EEF1AKMT2: variants seen among roughly 807,000 people sequenced by gnomAD.
EEF1AKMT2 encodes EEF1A lysine methyltransferase 2, also known as eukaryotic translation elongation factor 1 alpha lysine methyltransferase 2.
Under a neutral mutation model 35.8 loss-of-function variants are expected in EEF1AKMT2, and 32 were observed. The observed-to-expected ratio is 0.89, with a 90% CI of 0.67 to 1.20. EEF1AKMT2 has a LOEUF of 1.20. EEF1AKMT2 is among the 50% of genes most tolerant of loss of function. The pLI, the probability that EEF1AKMT2 is intolerant of heterozygous loss-of-function variation, is 0.00. For synonymous variants in EEF1AKMT2, 121 were observed against 133.7 expected (o/e 0.91, Z 0.65); for missense variants, 330 against 347.5 (o/e 0.95, Z 0.40).
intron 3 of EEF1AKMT2, among the ~76,000 whole-genome samples, chr10:124,779,303 CTG>C (rs1950516016): frequency 2.0e-5 from 3 of 152,154 alleles, no homozygotes; most frequent in African/African-American, 7.2e-5. Context: ...GGCTATTTTT[CTG>C]TGTCTTTAGT....
Position 124,760,400 on chromosome 10 carries a change from GAA to G in EEF1AKMT2, c.*101_*102del. On this transcript the variant is annotated 3_prime_UTR_variant, in exon 7 of 7. Transcript: ENST00000368836. ...TGTGTAGCTACCTGAATTCGTCCAA[GAA>G]AAAGTCTCACATTTTTTGGAAAACC... 6 of 1,601,772 alleles carry G rather than the reference GAA, an allele frequency of 3.7e-6. No homozygotes were observed. Among genetic ancestry groups the G allele is most frequent in the South Asian group, 3.3e-5 (3 of 90,648 alleles).
At chr10:124,781,520 T>C (rs1333654785) in intron 3 of EEF1AKMT2, among the ~76,000 whole-genome samples, 1 of 150,550 alleles carries the variant, frequency 6.6e-6, no homozygotes, top group East Asian at 2.0e-4. Flanking sequence ...GAGGCGAAGG[T>C]TGCAGTGAGC....
At chr10:124,767,647 T>C (rs976109684) in intron 4 of EEF1AKMT2, among the ~76,000 whole-genome samples, 2 of 150,942 alleles carry the variant, frequency 1.3e-5, no homozygotes, top group Non-Finnish European at 3.0e-5. Context: ...GCCAGAGAAA[T>C]AAGACATTAA....
intron 6 of EEF1AKMT2, among the ~76,000 whole-genome samples, chr10:124,761,159 C>T (rs1220290252): frequency 6.6e-6 from 1 of 152,218 alleles, no homozygotes; most frequent in African/African-American, 2.4e-5. Context: ...TGAGCAACAT[C>T]GCCTGGCCCT....
intron 3 of EEF1AKMT2, among the ~76,000 whole-genome samples, chr10:124,786,099 A>G (rs759992895): frequency 1.3e-5 from 2 of 152,128 alleles, no homozygotes; most frequent in Non-Finnish European, 2.9e-5. Context: ...AGGGGCCACA[A>G]GGAAGCTCCT....
chr10:124,781,589 T>TAA (rs1950540445), intron 3 of EEF1AKMT2, among the ~76,000 whole-genome samples: 1 of 67,156 alleles, frequency 1.5e-5, no homozygotes. Context: ...AGACTGTGTC[T>TAA]CAAAAAAAAA....
intron 6 of EEF1AKMT2, 68 bp from the exon 7 acceptor site, chr10:124,760,571 G>A (rs1211650299): frequency 3.4e-6 from 4 of 1,176,128 alleles, no homozygotes; most frequent in African/African-American, 1.5e-5. Context: ...TTATATGCAT[G>A]CATTAACACT....
At position 124,765,546 on chromosome 10, in the gene EEF1AKMT2, C is replaced by A. The variant is rs183204976; in HGVS notation, c.462G>T (p.Gly154=). ...GATTAAGGCTTATGGCATCAAAAGT[C>A]CCTTTGTCAATACAAATATGAAATC... The part of the protein sequence containing the change: ...LSGFHICIDK[G]TFDAISLNPD... Residue 154 remains glycine, a synonymous_variant, in exon 5 of 7, where the codon GGG becomes GGT. Coordinates refer to ENST00000368836, the MANE Select transcript of EEF1AKMT2 (RefSeq NM_212554.4). The A allele has an allele frequency of 2.5e-6, 4 of 1,613,908 alleles. No homozygotes were observed. The East Asian group carries it at 8.9e-5, about 36-fold the overall frequency.
At chr10:124,771,105 CTT>C (rs34982773) in intron 4 of EEF1AKMT2, among the ~76,000 whole-genome samples, 3 of 145,364 alleles carry the variant, frequency 2.1e-5, no homozygotes, top group Non-Finnish European at 1.5e-5. Flanking sequence ...TTTCTTTTTT[CTT>C]TTTTTTTTTT....
intron 4 of EEF1AKMT2, 181 bp from the exon 5 acceptor site, chr10:124,765,789 A>C: frequency 5.5e-6 from 3 of 545,400 alleles, no homozygotes; most frequent in Non-Finnish European, 9.7e-6. Context: ...AAGATCATTA[A>C]AGCCAAGATT....
chr10:124,757,048 T>C (rs910402378), downstream of EEF1AKMT2, among the ~76,000 whole-genome samples: 3 of 152,066 alleles, frequency 2.0e-5, no homozygotes, highest in East Asian at 3.9e-4. Context: ...CACTATGCAA[T>C]TGTCTTTCAG....
intron 4 of EEF1AKMT2, among the ~76,000 whole-genome samples, chr10:124,767,782 T>G (rs1950392253): frequency 6.6e-6 from 1 of 151,860 alleles, no homozygotes. Context: ...GGTCAGGAGT[T>G]CGAGACCAGC....
At chr10:124,787,374 AGTGAGCCAAGATC>A (rs1344711758) in intron 3 of EEF1AKMT2, among the ~76,000 whole-genome samples, 1 of 137,888 alleles carries the variant, frequency 7.3e-6, no homozygotes, top group Non-Finnish European at 1.5e-5. Flanking sequence ...TGAAGGTTGC[AGTGAGCCAAGATC>A]GTGAGACTGC....
At chr10:124,786,087 G>A (rs1179273539) in intron 3 of EEF1AKMT2, among the ~76,000 whole-genome samples, 3 of 151,992 alleles carry the variant, frequency 2.0e-5, no homozygotes, top group Non-Finnish European at 4.4e-5. Flanking sequence ...GGAAGGAGTG[G>A]GAGGGGCCAC....
At chr10:124,771,326 C>T (rs929244020) in intron 4 of EEF1AKMT2, among the ~76,000 whole-genome samples, 3 of 151,688 alleles carry the variant, frequency 2.0e-5, no homozygotes, top group African/African-American at 7.3e-5. Context: ...GTCTTGATCT[C>T]CTGACCTTGT....
At position 124,783,210 on chromosome 10, in the gene EEF1AKMT2, G is replaced by A. The variant is rs1026293493; in HGVS notation, c.291+5833C>T. On this transcript the variant is annotated intron_variant, in intron 3 of 6. Transcript: ENST00000368836. ...GGCTGGAGTGCAGTGGGGCCATCTC[G>A]GCTCACTGCAACCTCCACCTCCCAG... Among the ~76,000 whole-genome samples, 9 of 145,196 alleles carry A rather than the reference G, an allele frequency of 6.2e-5. No individual in the cohort carries two copies. In the South Asian group the frequency reaches 1.1e-3, roughly 18 times the overall value.
intron 6 of EEF1AKMT2, among the ~76,000 whole-genome samples, chr10:124,761,741 T>C (rs908187061): frequency 3.9e-5 from 6 of 152,136 alleles, no homozygotes; most frequent in Non-Finnish European, 7.4e-5. Flanking sequence ...CGGGGCAACA[T>C]GGCGAAACCC....
rs60863408 is a variant in EEF1AKMT2, at chr10:124,769,248, A to ATATATATATATATATG, written c.400-3641_400-3640insCATATATATATATATA. On this transcript the variant is annotated intron_variant, in intron 4 of 6. Transcript: ENST00000368836. ...AAAAAAAAAAAATATATATATATAT[A>ATATATATATATATATG]TGTGTGTATAAATAAAACGAACAGA... Among the ~76,000 whole-genome samples the ATATATATATATATATG allele has an allele frequency of 1.2e-3, 76 of 63,792 alleles. 2 individuals carry two copies. Among genetic ancestry groups the ATATATATATATATATG allele is most frequent in the African/African-American group, 4.0e-3 (73 of 18,286 alleles). The allele number at this position is 63,792 out of a possible 152,430, so 41.9% of individuals were successfully genotyped here.
intron 6 of EEF1AKMT2, among the ~76,000 whole-genome samples, chr10:124,760,853 T>C (rs566883434): frequency 7.2e-5 from 11 of 152,292 alleles, no homozygotes; most frequent in African/African-American, 2.2e-4. Context: ...GCAGCTAGCA[T>C]GTGTCGAGTT....
Sources: gnomAD v4.1 joint callset for allele counts (sites outside exome capture counted in the v4.1 genomes callset) on GRCh38, gnomAD v4.1.1 for gene constraint, MANE v1.5 for transcripts, NCBI Gene and HGNC (gene_info 2026-07-23, HGNC 2026-07-21) for gene names.